Variants in WDTC1 observed in about 807,000 individuals in gnomAD.
WDTC1 encodes the protein WD and tetratricopeptide repeats protein 1.
A neutral mutation model predicts 76.0 loss-of-function variants in WDTC1; 12 were observed. The ratio of observed to expected loss-of-function variants is 0.16; its 90% CI spans 0.10 to 0.26. The LOEUF (loss-of-function observed/expected upper bound fraction) is 0.26. WDTC1 is among the 10% of genes least tolerant of loss of function. The pLI is 1.00. For missense variants in WDTC1, 511 were observed against 908.8 expected, an observed-to-expected ratio of 0.56 and a Z score of 5.63; for synonymous variants, 326 against 350.8, an observed-to-expected ratio of 0.93 and a Z score of 0.79.
intron 3 of WDTC1, among the ~76,000 whole-genome samples, chr1:27,269,946 GTTGTTT>G (rs1279601233): frequency 5.1e-5 from 4 of 78,314 alleles, no homozygotes; most frequent in African/African-American, 7.8e-5. Context: ...TGTTGTTGTT[GTTGTTT>G]TTGAGACAGA....
At position 27,301,046 on chromosome 1, in the gene WDTC1, C is replaced by CT. The variant is rs1270714094; in HGVS notation, c.1233-179dup. The stretch of plus-strand genomic sequence containing the variant: ...TTTCCTGGCTTGCTCCTTAACCATA[C>CT]TCTGTCTCCTGATGGGGGAGGCCTG... On this transcript the variant is annotated intron_variant, in intron 12 of 15. Transcript: ENST00000319394. This position sits in a 1 kb window ranked among gnomAD's most constrained non-coding sequence, Gnocchi z 5.8. Among the ~76,000 whole-genome samples the CT allele has an allele frequency of 6.6e-6, 1 of 152,198 alleles. No individual in the cohort carries two copies. The highest frequency in any genetic ancestry group is 1.5e-5 in the Non-Finnish European group (1 of 68,026).
rs1186393053 is a variant in WDTC1, at chr1:27,305,685, A to G, written c.1836+492A>G. Reference sequence around the variant, plus strand: ...GGTGCCTCCCCTTCCCCTCTGCCCTACTGCTTCCCTCTTCCCAGCTGGCAA... The same window carrying G: ...GGTGCCTCCCCTTCCCCTCTGCCCTGCTGCTTCCCTCTTCCCAGCTGGCAA... On this transcript the variant is annotated intron_variant, in intron 15 of 15. Coordinates refer to ENST00000319394, the MANE Select transcript of WDTC1 (RefSeq NM_001276252.2). The surrounding 1 kb of genome is among the most constrained non-coding windows in gnomAD (Gnocchi z 4.6). Among the ~76,000 whole-genome samples, 2 of 152,054 alleles carry G rather than the reference A, an allele frequency of 1.3e-5. No individual in the cohort carries two copies. The highest frequency in any genetic ancestry group is 2.9e-5 in the Non-Finnish European group (2 of 67,998).
chr1:27,251,321 AGCTCC>A (rs1248115595), intron 1 of WDTC1, among the ~76,000 whole-genome samples: 1 of 152,044 alleles, frequency 6.6e-6, no homozygotes, highest in Non-Finnish European at 1.5e-5. Context: ...GGCATTTTAG[AGCTCC>A]AGGAATAGAA....
rs972722502 is a variant in WDTC1, at chr1:27,307,386, C to A, written c.*1003C>A. ...GGGAAAGTCCCTTACTCGGCCCCTC[C>A]CTCCCCAGCAGCCCCAAGCTTTACA... On this transcript the variant is annotated 3_prime_UTR_variant, in exon 16 of 16. Coordinates refer to ENST00000319394, the MANE Select transcript of WDTC1 (RefSeq NM_001276252.2). The surrounding 1 kb of genome is among the most constrained non-coding windows in gnomAD (Gnocchi z 4.1). The A allele has an allele frequency of 6.5e-6, 1 of 153,180 alleles. No homozygotes were observed. Among genetic ancestry groups the A allele is most frequent in the Non-Finnish European group, 1.5e-5 (1 of 68,412 alleles). The allele number at this position is 153,180 out of a possible 1,614,324, so 9.5% of individuals were successfully genotyped here.
chr1:27,234,581 G>T, upstream of WDTC1: 1 of 390,428 alleles, frequency 2.6e-6, no homozygotes, highest in Non-Finnish European at 4.5e-6. Context: ...GTACCCGCCG[G>T]CTGCGAGGCG....
intron 6 of WDTC1, among the ~76,000 whole-genome samples, chr1:27,290,196 C>A (rs1381402700): frequency 6.6e-6 from 1 of 152,146 alleles, no homozygotes; most frequent in Non-Finnish European, 1.5e-5. Context: ...ATTCTCCCAC[C>A]TCAGCCTCCT....
At chr1:27,292,706 C>T (rs1385139320) in intron 7 of WDTC1, among the ~76,000 whole-genome samples, 1 of 151,600 alleles carries the variant, frequency 6.6e-6, no homozygotes, top group African/African-American at 2.4e-5. Context: ...GGACTACAAG[C>T]ATGAGCCACT....
At chr1:27,265,397 T>C (rs55881748) in intron 3 of WDTC1, among the ~76,000 whole-genome samples, 17,949 of 152,218 alleles carry the variant, frequency 0.12, 1,222 homozygotes, top group South Asian at 0.18. Flanking sequence ...ATATAGTTAT[T>C]TCATCTAAAA....
intron 14 of WDTC1, chr1:27,304,323 C>T (rs553808092): frequency 6.1e-6 from 1 of 164,558 alleles, no homozygotes; most frequent in East Asian, 1.9e-4. Context: ...AAGAATCTCT[C>T]CATAGGCCAG....
intron 4 of WDTC1, among the ~76,000 whole-genome samples, chr1:27,282,925 G>C (rs1239834339): frequency 1.3e-5 from 2 of 151,850 alleles, no homozygotes; most frequent in Admixed American, 1.3e-4. Flanking sequence ...GGATCACGAG[G>C]TCAGGAGATT....
chr1:27,276,700 A>G (rs1055231626), intron 3 of WDTC1, among the ~76,000 whole-genome samples: 3 of 151,142 alleles, frequency 2.0e-5, no homozygotes, highest in Non-Finnish European at 4.4e-5. Flanking sequence ...CTCGAAAAAA[A>G]AAAAGAAAAG....
In WDTC1 at chr1:27,297,115, T is replaced by A; in HGVS notation, c.1017T>A (p.His339Gln). ...GTGTGTCCAATGGCCTGCACCTTCA[T>A]AGCAATGGCTTCCGGCTGCCGGAGA... ...SNGVSNGLHL[H>Q]SNGFRLPESR... Residue 339 changes from histidine to glutamine, a missense_variant, in exon 11 of 16, where the codon CAT becomes CAA. Coordinates refer to ENST00000319394, the MANE Select transcript of WDTC1 (RefSeq NM_001276252.2). 3 of 1,614,040 alleles carry A rather than the reference T, an allele frequency of 1.9e-6. No individual in the cohort carries two copies. Among genetic ancestry groups the A allele is most frequent in the Non-Finnish European group, 2.5e-6 (3 of 1,179,964 alleles).
chr1:27,300,641 G>A (rs1228965813), intron 12 of WDTC1, among the ~76,000 whole-genome samples: 2 of 152,080 alleles, frequency 1.3e-5, no homozygotes, highest in Non-Finnish European at 2.9e-5. Flanking sequence ...AGACTGTCAG[G>A]CCCCATCCTC....
intron 1 of WDTC1, among the ~76,000 whole-genome samples, chr1:27,251,242 A>G (rs969164946): frequency 2.6e-5 from 4 of 151,450 alleles, no homozygotes; most frequent in African/African-American, 7.3e-5. Flanking sequence ...ATAGGCTTAT[A>G]GAAGAAAGTT....
At chr1:27,289,021 T>C (rs566979658) in intron 6 of WDTC1, among the ~76,000 whole-genome samples, 12 of 105,652 alleles carry the variant, frequency 1.1e-4, no homozygotes, top group Admixed American at 1.9e-4. Context: ...GGCGGCTGGC[T>C]GGGCGGGGGG....
chr1:27,297,818 T>A (rs2013732344), intron 11 of WDTC1, 120 bp from the exon 12 acceptor site: 1 of 1,038,180 alleles, frequency 9.6e-7, no homozygotes. Flanking sequence ...CTCTTCCAGA[T>A]AGCAGTCAGA....
intron 4 of WDTC1, among the ~76,000 whole-genome samples, chr1:27,282,650 G>A (rs1015864235): frequency 2.0e-5 from 3 of 151,772 alleles, no homozygotes; most frequent in Admixed American, 6.6e-5. Context: ...CTACAGGCAT[G>A]CGCCACCATG....
At chr1:27,257,884 G>A (rs764502734) in intron 1 of WDTC1, among the ~76,000 whole-genome samples, 5 of 152,106 alleles carry the variant, frequency 3.3e-5, no homozygotes, top group East Asian at 3.9e-4. Context: ...TCCGCCTCCC[G>A]GGTTCAAATG....
rs2013943953 is a variant in WDTC1 at position 27,305,963 on chromosome 1, C to T, written c.1837-223C>T. Among the ~76,000 whole-genome samples the T allele has an allele frequency of 6.6e-6, 1 of 152,028 alleles. No individual in the cohort carries two copies. Among genetic ancestry groups the T allele is most frequent in the Non-Finnish European group, 1.5e-5 (1 of 67,978 alleles). On this transcript the variant is annotated intron_variant, in intron 15 of 15. Coordinates refer to ENST00000319394, the MANE Select transcript of WDTC1 (RefSeq NM_001276252.2). The surrounding 1 kb of genome is among the most constrained non-coding windows in gnomAD (Gnocchi z 4.6). ...AGCATGTTATGACCTGCCTGTATAT[C>T]CTGAGGTGGCGTATCTCCCATATAT... is the stretch of plus-strand genomic sequence containing the variant.
Sources: gnomAD v4.1 joint callset for allele counts (sites outside exome capture counted in the v4.1 genomes callset) on GRCh38, gnomAD v4.1.1 for gene constraint, Gnocchi (gnomAD v3.1) non-coding constraint, MANE v1.5 for transcripts, NCBI Gene and HGNC (gene_info 2026-07-23, HGNC 2026-07-21) for gene names.